The following CACNG2 variants were observed in gnomAD, a reference collection of about 807,000 sequenced individuals.
CACNG2 encodes voltage-dependent calcium channel gamma-2 subunit.
CACNG2 carries 3 observed loss-of-function variants against 25.9 expected under a neutral mutation model. The ratio of observed to expected loss-of-function variants is 0.12; its 90% confidence interval spans 0.05 to 0.30. The LOEUF (loss-of-function observed/expected upper bound fraction) is 0.30. Ranked by LOEUF, CACNG2 falls within the 10% of genes least tolerant of loss-of-function variation. The pLI, the probability that CACNG2 is intolerant of heterozygous loss-of-function variation, is 1.00. For synonymous variants in CACNG2, 167 were observed against 173.3 expected (o/e 0.96, Z 0.29); for missense variants, 341 against 432.5 (o/e 0.79, Z 1.88).
rs1937433717 is a variant in CACNG2 at position 36,703,234 on chromosome 22, G to GGGCGGC, written c.-659_-658insGCCGCC. ...GGTCTCGCTTTCCATGGTTTTGCCC[G>GGGCGGC]GGCAGCGGCGGCGGCGGCGGCGGCG... On this transcript the variant is annotated 5_prime_UTR_variant, in exon 1 of 4. Transcript: ENST00000300105. The GGGCGGC allele has an allele frequency of 8.0e-6, 1 of 125,580 alleles. No homozygotes were observed. The highest frequency in any genetic ancestry group is 2.1e-4 in the South Asian group (1 of 4,676). 7.8% of individuals were successfully genotyped at this position (125,580 alleles called of 1,614,324 possible).
In CACNG2 at chr22:36,564,324, G is replaced by A. The variant is rs1203030620; in HGVS notation, c.*27C>T. ...CCCCCGGGGACCGCGCCCTCCTCCCGCGGTCTTCTGGCGAGGCCCGCGGTC... is the reference window on the plus strand; with the variant it reads ...CCCCCGGGGACCGCGCCCTCCTCCCACGGTCTTCTGGCGAGGCCCGCGGTC... On this transcript the variant is annotated 3_prime_UTR_variant, in exon 4 of 4. Transcript: ENST00000300105. The surrounding 1 kb of genome is among the most constrained non-coding windows in gnomAD (Gnocchi z 6.7). 1 of 1,492,118 alleles carries A rather than the reference G, an allele frequency of 6.7e-7. No homozygotes were observed. The allele number at this position is 1,492,118 out of a possible 1,614,324, so 92.4% of individuals were successfully genotyped here.
intron 1 of CACNG2, among the ~76,000 whole-genome samples, chr22:36,663,489 G>GT (rs903016406): frequency 2.8e-5 from 4 of 144,096 alleles, no homozygotes; most frequent in Non-Finnish European, 6.1e-5. Flanking sequence ...GGCATCCTGA[G>GT]TTTTTTTCTT....
intron 1 of CACNG2, among the ~76,000 whole-genome samples, chr22:36,591,067 T>C (rs6000339): frequency 0.84 from 127,195 of 151,224 alleles, 53,611 homozygotes; most frequent in African/African-American, 0.88. Context: ...GACGGTGTCT[T>C]GCTCTGTCAC....
At chr22:36,633,610 G>T (rs928411977) in intron 1 of CACNG2, among the ~76,000 whole-genome samples, 1 of 152,224 alleles carries the variant, frequency 6.6e-6, no homozygotes, top group Non-Finnish European at 1.5e-5. Flanking sequence ...ATTTAGACAT[G>T]TCTGTTTTGG....
chr22:36,699,765 G>C (rs1048649173), intron 1 of CACNG2, among the ~76,000 whole-genome samples: 3 of 152,150 alleles, frequency 2.0e-5, no homozygotes, highest in Non-Finnish European at 2.9e-5. Flanking sequence ...CATTCTGAGT[G>C]CTCATAAAAG....
chr22:36,649,458 A>T (rs924600626), intron 1 of CACNG2, among the ~76,000 whole-genome samples: 18 of 151,970 alleles, frequency 1.2e-4, no homozygotes, highest in African/African-American at 4.3e-4. Flanking sequence ...TGCCCAGCTA[A>T]TTTTTTTGTA....
At chr22:36,639,595 G>C (rs920105713) in intron 1 of CACNG2, among the ~76,000 whole-genome samples, 2 of 152,194 alleles carry the variant, frequency 1.3e-5, no homozygotes, top group African/African-American at 4.8e-5. Context: ...CCTCCTCCCT[G>C]TGTCATCTCT....
At chr22:36,675,929 T>G (rs1434809070) in intron 1 of CACNG2, among the ~76,000 whole-genome samples, 1 of 152,232 alleles carries the variant, frequency 6.6e-6, no homozygotes, top group Non-Finnish European at 1.5e-5. Context: ...CTGTCTGTGC[T>G]AAGGTATTGA....
At chr22:36,660,442 T>A (rs1936775416) in intron 1 of CACNG2, among the ~76,000 whole-genome samples, 3 of 152,266 alleles carry the variant, frequency 2.0e-5, no homozygotes, top group African/African-American at 7.2e-5. Context: ...TGCTTTCGAT[T>A]GCTGGTTTTA....
At chr22:36,640,431 G>T (rs1936425289) in intron 1 of CACNG2, among the ~76,000 whole-genome samples, 1 of 152,214 alleles carries the variant, frequency 6.6e-6, no homozygotes, top group Non-Finnish European at 1.5e-5. Context: ...TCACGGAGGA[G>T]CAGTGCCTCT....
At chr22:36,588,250 G>C (rs1935535316) in intron 1 of CACNG2, among the ~76,000 whole-genome samples, 1 of 152,210 alleles carries the variant, frequency 6.6e-6, no homozygotes, top group South Asian at 2.1e-4. Flanking sequence ...ATCTGAGCAA[G>C]TGCTTGTGGC....
intron 2 of CACNG2, among the ~76,000 whole-genome samples, chr22:36,566,882 T>C (rs938487687): frequency 2.6e-5 from 4 of 152,254 alleles, no homozygotes; most frequent in Non-Finnish European, 5.9e-5. Flanking sequence ...CTGGAATGTC[T>C]TTCCTATTCT....
chr22:36,671,022 G>A (rs1045845778), intron 1 of CACNG2, among the ~76,000 whole-genome samples: 6 of 151,756 alleles, frequency 4.0e-5, no homozygotes, highest in Non-Finnish European at 7.4e-5. Context: ...GGGTTCAAGC[G>A]ATTCTTGAGC....
At chr22:36,675,368 G>T (rs1317716987) in intron 1 of CACNG2, among the ~76,000 whole-genome samples, 2 of 152,042 alleles carry the variant, frequency 1.3e-5, no homozygotes, top group African/African-American at 4.8e-5. Flanking sequence ...TATGAGGTGG[G>T]TGACCAATTA....
chr22:36,614,366 G>T (rs1055547092), intron 1 of CACNG2, among the ~76,000 whole-genome samples: 5 of 152,112 alleles, frequency 3.3e-5, no homozygotes, highest in African/African-American at 1.2e-4. Context: ...CTTGAGGAAG[G>T]CTTCCTTGAA....
At chr22:36,587,735 T>C (rs1038659401) in intron 1 of CACNG2, among the ~76,000 whole-genome samples, 187 bp from the exon 2 acceptor site, 23 of 152,190 alleles carry the variant, frequency 1.5e-4, no homozygotes, top group African/African-American at 5.1e-4. Context: ...ACACCCGCAG[T>C]ACTGCAGAGA....
chr22:36,574,220 G>A (rs1057344866), intron 2 of CACNG2, among the ~76,000 whole-genome samples: 2 of 152,238 alleles, frequency 1.3e-5, no homozygotes, highest in Admixed American at 6.5e-5. Context: ...AAGGGGTCAA[G>A]GGTGGCTCCA....
At chr22:36,608,041 G>A (rs192984093) in intron 1 of CACNG2, among the ~76,000 whole-genome samples, 2 of 152,240 alleles carry the variant, frequency 1.3e-5, no homozygotes, top group Admixed American at 6.5e-5. Context: ...ACCCTAGTTG[G>A]GCCCTGTGTA....
chr22:36,639,080 A>C (rs7288612), intron 1 of CACNG2, among the ~76,000 whole-genome samples: 7,307 of 152,180 alleles, frequency 0.048, 591 homozygotes, highest in African/African-American at 0.17. Context: ...TGAGCTTCTG[A>C]GGCAGGTGTT....
Sources: gnomAD v4.1 joint callset for allele counts (sites outside exome capture counted in the v4.1 genomes callset) on GRCh38, gnomAD v4.1.1 for gene constraint, Gnocchi (gnomAD v3.1) non-coding constraint, MANE v1.5 for transcripts, NCBI Gene and HGNC (gene_info 2026-07-23, HGNC 2026-07-21) for gene names.